The following DIS3L2 variants were observed in gnomAD, a reference collection of about 807,000 sequenced individuals.
The protein encoded by DIS3L2 is DIS3 like 3'-5' exoribonuclease 2, also known as DIS3-like exonuclease 2.
In DIS3L2, 34 loss-of-function variants were observed where a neutral mutation model predicts 97.5. That is an observed-to-expected ratio of 0.35 (90% CI 0.27 to 0.46). The LOEUF (loss-of-function observed/expected upper bound fraction) is 0.46, where lower values mean the gene tolerates loss of function less well. Ranked by LOEUF, DIS3L2 falls within the 20% of genes least tolerant of loss-of-function variation. The pLI is 1.00. For missense variants in DIS3L2, 1,038 were observed against 1,146.0 expected (o/e 0.91, Z 1.36); for synonymous variants, 435 against 445.2 (o/e 0.98, Z 0.29).
chr2:232,277,340 G>A (rs948359940), intron 13 of DIS3L2, among the ~76,000 whole-genome samples: 2 of 152,130 alleles, frequency 1.3e-5, no homozygotes, highest in Non-Finnish European at 2.9e-5. Context: ...CATCACACCC[G>A]CTAACGTTGG....
At position 232,238,082 on chromosome 2, in the gene DIS3L2, G is replaced by A. The variant is rs141236956; in HGVS notation, c.1205-451G>A. On this transcript the variant is annotated intron_variant, in intron 10 of 20. Transcript: ENST00000325385. ...CAGGTGAGGGGGGCACAGAGGCGAG[G>A]TAGGGCAGCCAGGTGTGGGCTAAAT... Among the ~76,000 whole-genome samples, 221 of 152,216 alleles carry A rather than the reference G, an allele frequency of 1.5e-3. 2 individuals carry two copies. The highest frequency in any genetic ancestry group is 5.0e-3 in the African/African-American group (207 of 41,528).
intron 10 of DIS3L2, among the ~76,000 whole-genome samples, chr2:232,226,623 G>T (rs1692656419): frequency 6.6e-6 from 1 of 152,164 alleles, no homozygotes; most frequent in African/African-American, 2.4e-5. Flanking sequence ...TGTGTCATGA[G>T]GACAGGACAT....
At chr2:232,174,138 G>A (rs550466568) in intron 9 of DIS3L2, among the ~76,000 whole-genome samples, 75 of 152,126 alleles carry the variant, frequency 4.9e-4, no homozygotes, top group African/African-American at 1.5e-3. Context: ...AGTATACAAG[G>A]CTTCTTTGTT....
intron 10 of DIS3L2, among the ~76,000 whole-genome samples, chr2:232,211,038 G>A (rs1692174941): frequency 6.6e-6 from 1 of 151,936 alleles, no homozygotes; most frequent in Non-Finnish European, 1.5e-5. Context: ...TATAGTTGGA[G>A]GAAGGGAATG....
intron 13 of DIS3L2, among the ~76,000 whole-genome samples, chr2:232,270,740 G>T (rs989536092): frequency 1.3e-5 from 2 of 152,236 alleles, no homozygotes; most frequent in African/African-American, 2.4e-5. Context: ...CTTCCAGAGA[G>T]GTTGTACCAA....
intron 12 of DIS3L2, among the ~76,000 whole-genome samples, chr2:232,252,552 T>C (rs891981540): frequency 2.0e-5 from 3 of 152,220 alleles, no homozygotes; most frequent in Non-Finnish European, 4.4e-5. Flanking sequence ...TAATAACTTT[T>C]TCAGATAATT....
At chr2:232,115,784 C>T (rs1697688377) in intron 6 of DIS3L2, among the ~76,000 whole-genome samples, 1 of 152,120 alleles carries the variant, frequency 6.6e-6, no homozygotes, top group African/African-American at 2.4e-5. Context: ...CTGAGGCCTC[C>T]CCAGCCTACA....
intron 5 of DIS3L2, among the ~76,000 whole-genome samples, chr2:232,068,941 C>T (rs929493426): frequency 3.9e-5 from 6 of 151,966 alleles, no homozygotes; most frequent in African/African-American, 7.3e-5. Context: ...CTCAGCCACT[C>T]GAGTACCTGG....
At chr2:232,088,583 T>A (rs1696738848) in intron 6 of DIS3L2, among the ~76,000 whole-genome samples, 1 of 151,834 alleles carries the variant, frequency 6.6e-6, no homozygotes, top group African/African-American at 2.4e-5. Flanking sequence ...AAAGTTTTTT[T>A]TGTCATTTCT....
At chr2:232,257,515 C>T (rs1452387233) in intron 12 of DIS3L2, among the ~76,000 whole-genome samples, 7 of 152,216 alleles carry the variant, frequency 4.6e-5, no homozygotes, top group Non-Finnish European at 7.3e-5. Flanking sequence ...TCCCACCCTC[C>T]GTCACTCCAA....
At chr2:232,327,923 T>C (rs981213822) in intron 14 of DIS3L2, among the ~76,000 whole-genome samples, 2 of 152,224 alleles carry the variant, frequency 1.3e-5, no homozygotes, top group Non-Finnish European at 1.5e-5. Context: ...TTGTGACCCC[T>C]GTCCTGCATT....
chr2:232,252,207 A>G (rs1014343694), intron 12 of DIS3L2, among the ~76,000 whole-genome samples: 2 of 152,306 alleles, frequency 1.3e-5, no homozygotes, highest in African/African-American at 2.4e-5. Flanking sequence ...CAGGAGTTCA[A>G]GACCAGCCTG....
intron 5 of DIS3L2, among the ~76,000 whole-genome samples, chr2:232,035,431 A>T (rs1169137948): frequency 1.3e-5 from 2 of 152,152 alleles, no homozygotes; most frequent in Non-Finnish European, 2.9e-5. Context: ...CAGTACACTG[A>T]TGGGTCTTGA....
intron 1 of DIS3L2, among the ~76,000 whole-genome samples, chr2:231,976,650 A>G (rs568577390): frequency 1.3e-5 from 2 of 151,992 alleles, no homozygotes; most frequent in East Asian, 3.9e-4. Context: ...AAAATTACAA[A>G]TTGAAAATGA....
At chr2:232,288,092 G>A (rs1694494832) in intron 13 of DIS3L2, among the ~76,000 whole-genome samples, 1 of 152,082 alleles carries the variant, frequency 6.6e-6, no homozygotes, top group South Asian at 2.1e-4. Flanking sequence ...TAGGAGCAGG[G>A]GAGCAGGCAG....
At chr2:232,129,209 G>C (rs1178719115) in intron 6 of DIS3L2, among the ~76,000 whole-genome samples, 1 of 152,164 alleles carries the variant, frequency 6.6e-6, no homozygotes, top group Non-Finnish European at 1.5e-5. Context: ...TGTCTTGATT[G>C]GTAGCATTTG....
At chr2:232,119,038 TG>T (rs1697813475) in intron 6 of DIS3L2, among the ~76,000 whole-genome samples, 1 of 152,212 alleles carries the variant, frequency 6.6e-6, no homozygotes, top group Admixed American at 6.5e-5. Context: ...GACTGGCTCT[TG>T]GGGAAGTAGC....
intron 5 of DIS3L2, among the ~76,000 whole-genome samples, chr2:232,072,278 G>T (rs1696040936): frequency 6.6e-6 from 1 of 152,092 alleles, no homozygotes. Context: ...AAAAAAATAA[G>T]GAAAGGAAAT....
chr2:232,113,430 TGGA>T (rs1226087278), intron 6 of DIS3L2, among the ~76,000 whole-genome samples: 1 of 152,210 alleles, frequency 6.6e-6, no homozygotes, highest in Non-Finnish European at 1.5e-5. Flanking sequence ...ATGCAAGTCT[TGGA>T]AGTCCAGCCA....
Sources: gnomAD v4.1 joint callset for allele counts (sites outside exome capture counted in the v4.1 genomes callset) on GRCh38, gnomAD v4.1.1 for gene constraint, MANE v1.5 for transcripts, NCBI Gene and HGNC (gene_info 2026-07-23, HGNC 2026-07-21) for gene names.